TENM2: variants seen among roughly 807,000 people sequenced by gnomAD.
TENM2 encodes teneurin-2.
A neutral mutation model predicts 245.2 loss-of-function variants in TENM2; 52 were observed. The ratio of observed to expected loss-of-function variants is 0.21; its 90% CI spans 0.17 to 0.27. TENM2 has a LOEUF of 0.27. Among genes scored for constraint, TENM2 ranks in the 10% least tolerant of loss-of-function variants. TENM2 has a pLI of 1.00. For synonymous variants in TENM2, 1,363 were observed against 1,438.9 expected (o/e 0.95, Z 1.19); for missense variants, 3,046 against 3,666.8 (o/e 0.83, Z 4.37).
intron 2 of TENM2, among the ~76,000 whole-genome samples, chr5:167,497,964 CA>C (rs1277750792): frequency 6.6e-6 from 1 of 152,040 alleles, no homozygotes; most frequent in African/African-American, 2.4e-5. Context: ...CACCTCTAAT[CA>C]AAACTATTTT....
At chr5:168,237,183 T>A in intron 25 of TENM2, among the ~76,000 whole-genome samples, 1 of 147,214 alleles carries the variant, frequency 6.8e-6, no homozygotes, top group East Asian at 2.0e-4. Context: ...GCCCAGCTAA[T>A]TTTTGTGTTT....
the TENM2 span, among the ~76,000 whole-genome samples, chr5:166,986,440 G>C: frequency 6.6e-6 from 1 of 151,642 alleles, no homozygotes; most frequent in Non-Finnish European, 1.5e-5. Flanking sequence ...ATTTATCATT[G>C]TAGAAATTTC....
chr5:167,958,415 G>A (rs139992284), intron 4 of TENM2, among the ~76,000 whole-genome samples: 412 of 152,224 alleles, frequency 2.7e-3, no homozygotes, highest in African/African-American at 9.5e-3. Flanking sequence ...ACACTGATGG[G>A]TCTTGACTCT....
intron 2 of TENM2, among the ~76,000 whole-genome samples, chr5:167,849,841 A>G (rs1370896234): frequency 6.6e-6 from 1 of 152,226 alleles, no homozygotes; most frequent in African/African-American, 2.4e-5. Flanking sequence ...TACGGCAAGT[A>G]AGATTGAAGG....
the TENM2 span, among the ~76,000 whole-genome samples, chr5:167,226,128 A>G: frequency 6.6e-6 from 1 of 151,442 alleles, no homozygotes; most frequent in African/African-American, 2.4e-5. Context: ...GATCATTTGT[A>G]TTGATTTTTA....
At chr5:167,744,079 T>G (rs1312851881) in intron 2 of TENM2, among the ~76,000 whole-genome samples, 1 of 152,198 alleles carries the variant, frequency 6.6e-6, no homozygotes. Context: ...AGCTAAAACT[T>G]ATTTTCTCCA....
At chr5:167,230,137 G>A in the TENM2 span, among the ~76,000 whole-genome samples, 2 of 152,280 alleles carry the variant, frequency 1.3e-5, no homozygotes, top group South Asian at 4.1e-4. Context: ...GGGCTCGGGG[G>A]CTTGTAGGAC....
In TENM2 at chr5:167,638,296, C is replaced by A. The variant is rs146823773; in HGVS notation, c.503-237690C>A. Among the ~76,000 whole-genome samples, 5 of 152,262 alleles carry A rather than the reference C, an allele frequency of 3.3e-5. No individual in the cohort carries two copies. The East Asian group carries it at 5.8e-4, about 18-fold the overall frequency. On this transcript the variant is annotated intron_variant, in intron 2 of 28. Transcript: ENST00000518659. ...TACCAAAAGCTGATCTGAAAAGGAG[C>A]TTTAGGAACAAAGGACATCACCTAG... is the stretch of plus-strand genomic sequence containing the variant.
At chr5:167,120,114 G>A in the TENM2 span, among the ~76,000 whole-genome samples, 1 of 152,172 alleles carries the variant, frequency 6.6e-6, no homozygotes, top group Non-Finnish European at 1.5e-5. Flanking sequence ...TGGTGAAGAG[G>A]AAGGTACATG....
At chr5:167,931,115 C>T (rs1778249210) in intron 3 of TENM2, among the ~76,000 whole-genome samples, 1 of 152,192 alleles carries the variant, frequency 6.6e-6, no homozygotes, top group African/African-American at 2.4e-5. Flanking sequence ...TTGTAATCAT[C>T]CCAAGTTTCC....
At chr5:167,716,797 A>T (rs1172425479) in intron 2 of TENM2, among the ~76,000 whole-genome samples, 2 of 152,036 alleles carry the variant, frequency 1.3e-5, no homozygotes, top group Non-Finnish European at 2.9e-5. Flanking sequence ...GGGAAAAAAA[A>T]TCAGTTTCAA....
intron 2 of TENM2, among the ~76,000 whole-genome samples, chr5:167,508,860 G>T (rs144024190): frequency 1.3e-5 from 2 of 151,884 alleles, no homozygotes; most frequent in African/African-American, 2.4e-5. Context: ...TCATTCTGTC[G>T]CTCAGCTGGA....
At chr5:167,177,638 G>A in the TENM2 span, among the ~76,000 whole-genome samples, 19 of 152,176 alleles carry the variant, frequency 1.2e-4, no homozygotes, top group Non-Finnish European at 2.5e-4. Flanking sequence ...AGTTCAATTC[G>A]AATCAGAGGT....
intron 13 of TENM2, among the ~76,000 whole-genome samples, chr5:168,164,867 A>G (rs1382013182): frequency 6.6e-6 from 1 of 152,234 alleles, no homozygotes; most frequent in East Asian, 1.9e-4. Context: ...TGGACCAGTC[A>G]TTGAATTCTA....
chr5:167,052,434 A>G, the TENM2 span, among the ~76,000 whole-genome samples: 3 of 152,190 alleles, frequency 2.0e-5, no homozygotes, highest in African/African-American at 7.2e-5. Flanking sequence ...TTATGCTCCA[A>G]GCAGAGCTGG....
intron 2 of TENM2, among the ~76,000 whole-genome samples, chr5:167,657,548 A>G (rs1289329555): frequency 6.6e-6 from 1 of 152,216 alleles, no homozygotes; most frequent in Non-Finnish European, 1.5e-5. Context: ...TAGTTTTTTT[A>G]GTAATCTCCA....
At chr5:167,229,757 T>C in the TENM2 span, among the ~76,000 whole-genome samples, 19 of 152,216 alleles carry the variant, frequency 1.2e-4, no homozygotes, top group African/African-American at 4.6e-4. Context: ...GTGGTGTGTA[T>C]AGATCCTGGC....
the TENM2 span, among the ~76,000 whole-genome samples, chr5:167,160,570 T>C: frequency 6.6e-6 from 1 of 152,260 alleles, no homozygotes; most frequent in Non-Finnish European, 1.5e-5. Context: ...CACAATTTGC[T>C]TCGCTGGATC....
intron 2 of TENM2, among the ~76,000 whole-genome samples, chr5:167,383,918 A>G (rs1260690977): frequency 1.3e-5 from 2 of 152,118 alleles, no homozygotes; most frequent in Non-Finnish European, 2.9e-5. Flanking sequence ...TACATTGGAG[A>G]TGTGTCCAAA....
Sources: allele counts gnomAD v4.1 joint callset (sites outside exome capture counted in the v4.1 genomes callset), GRCh38; gene constraint gnomAD v4.1.1; transcripts MANE v1.5; gene names NCBI Gene and HGNC (gene_info 2026-07-23, HGNC 2026-07-21).